The following DDX4 variants were observed in gnomAD, a reference collection of about 807,000 sequenced individuals.
DDX4 encodes probable ATP-dependent RNA helicase DDX4.
Under a neutral mutation model 100.0 loss-of-function variants are expected in DDX4, and 25 were observed. The observed-to-expected ratio is 0.25, with a 90% CI of 0.18 to 0.35. DDX4 has a LOEUF of 0.35. Ranked by LOEUF, DDX4 falls within the 10% of genes least tolerant of loss-of-function variation. The pLI, the probability that DDX4 is intolerant of heterozygous loss-of-function variation, is 1.00. For synonymous variants in DDX4, 259 were observed against 275.7 expected (o/e 0.94, Z 0.60); for missense variants, 635 against 882.4 (o/e 0.72, Z 3.55).
At chr5:55,746,005 A>G (rs978154087) in intron 2 of DDX4, among the ~76,000 whole-genome samples, 159 bp from the exon 3 acceptor site, 1 of 152,200 alleles carries the variant, frequency 6.6e-6, no homozygotes, top group African/African-American at 2.4e-5. Flanking sequence ...TCTTGGAATA[A>G]TTAGTAAAGG....
intron 21 of DDX4, 91 bp downstream of exon 21, chr5:55,815,514 A>G (rs558975483): frequency 7.0e-7 from 1 of 1,429,290 alleles, no homozygotes; most frequent in Non-Finnish European, 9.2e-7. Flanking sequence ...AATATTTAAT[A>G]ATCAAGCCAT....
chr5:55,760,757 A>G (rs1316932259), intron 4 of DDX4, among the ~76,000 whole-genome samples: 3 of 152,182 alleles, frequency 2.0e-5, no homozygotes, highest in Admixed American at 1.3e-4. Flanking sequence ...TTTTAGAACA[A>G]CCACCTGATA....
chr5:55,803,903 C>A (rs1194170299), intron 18 of DDX4, among the ~76,000 whole-genome samples: 1 of 152,202 alleles, frequency 6.6e-6, no homozygotes, highest in African/African-American at 2.4e-5. Flanking sequence ...AATCGCCACA[C>A]TGACTTCCAC....
intron 4 of DDX4, among the ~76,000 whole-genome samples, chr5:55,761,724 C>A (rs772526758): frequency 4.6e-5 from 7 of 152,060 alleles, no homozygotes; most frequent in Non-Finnish European, 1.0e-4. Context: ...TCTCCTGCCT[C>A]AGCCTTCCGA....
intron 2 of DDX4, among the ~76,000 whole-genome samples, chr5:55,741,789 A>G (rs1052765468): frequency 6.9e-6 from 1 of 144,630 alleles, no homozygotes; most frequent in Admixed American, 6.9e-5. Flanking sequence ...ACTCTGTCTG[A>G]AAAAAAAAAA....
At chr5:55,738,667 A>T (rs567504629) in intron 1 of DDX4, among the ~76,000 whole-genome samples, 47 of 152,308 alleles carry the variant, frequency 3.1e-4, no homozygotes, top group African/African-American at 9.4e-4. Flanking sequence ...GATAAAGTCT[A>T]TGAACAGATG....
At chr5:55,816,405 C>A in intron 21 of DDX4, 58 bp from the exon 22 acceptor site, 1 of 1,534,208 alleles carries the variant, frequency 6.5e-7, no homozygotes, top group Non-Finnish European at 8.8e-7. Flanking sequence ...AACTTTAAAG[C>A]TGTCATAAAA....
Position 55,767,010 on chromosome 5 carries a change from T to A in DDX4, c.335-871T>A, listed in dbSNP as rs1039138207. The A allele has an allele frequency of 3.3e-6, 5 of 1,510,494 alleles. No individual in the cohort carries two copies. The African/African-American group carries it at 7.0e-5, about 21-fold the overall frequency. The allele number at this position is 1,510,494 out of a possible 1,614,324, so 93.6% of individuals were successfully genotyped here. On this transcript the variant is annotated intron_variant, in intron 6 of 21. Transcript: ENST00000505374. ...TCAGTATAGTAATCTCTCATACTAC[T>A]ATTTTAAAACTCTGGGAATGTTACT...
intron 17 of DDX4, among the ~76,000 whole-genome samples, chr5:55,798,164 C>T (rs918703147): frequency 2.6e-5 from 4 of 151,924 alleles, no homozygotes; most frequent in Non-Finnish European, 4.4e-5. Flanking sequence ...TATAGTTTTG[C>T]GTGGATAGCA....
In DDX4 at chr5:55,813,747, A is replaced by G. The variant is rs1207464263; in HGVS notation, c.1690A>G (p.Lys564Glu). ...TATTGCAACTTTTCTTTGTCAAGAA[A>G]AAATATCAACTACAAGTATTCATGG... is the stretch of plus-strand genomic sequence containing the variant. ...DFIATFLCQEKISTTSIHGDR... is the reference protein window; with the variant it reads ...DFIATFLCQEEISTTSIHGDR... Residue 564 changes from lysine (K) to glutamate (E), a missense_variant, in exon 19 of 22, where the codon AAA becomes GAA. Physicochemically the swap from Lys to Glu is moderately conservative, Grantham distance 56. Around this residue, in one of 4 missense-constraint regions of DDX4, gnomAD observed 115 missense variants for 224.7 expected, o/e 0.51. Transcript: ENST00000505374. 1.3e-5 allele frequency: 21 copies of G among 1,597,334 alleles called. No individual in the cohort carries two copies. The highest frequency in any genetic ancestry group is 1.8e-5 in the Non-Finnish European group (21 of 1,173,530).
intron 3 of DDX4, among the ~76,000 whole-genome samples, chr5:55,757,858 A>T (rs1383903458): frequency 6.6e-6 from 1 of 152,136 alleles, no homozygotes; most frequent in Admixed American, 6.5e-5. Context: ...TGCTTGGCCA[A>T]TGTGGTGAAA....
chr5:55,798,289 T>C, intron 17 of DDX4, 137 bp from the exon 18 acceptor site: 2 of 900,228 alleles, frequency 2.2e-6, no homozygotes, highest in Non-Finnish European at 3.2e-6. Context: ...TTGGGTGATA[T>C]AAGTAACCAA....
At chr5:55,781,880 G>C (rs1741933398) in intron 9 of DDX4, 54 bp from the exon 10 acceptor site, 1 of 1,593,150 alleles carries the variant, frequency 6.3e-7, no homozygotes, top group African/African-American at 1.3e-5. Flanking sequence ...TGGTTTGTGT[G>C]CTTGAGCAGC....
chr5:55,797,968 G>A (rs1457367173), intron 17 of DDX4, among the ~76,000 whole-genome samples: 1 of 152,180 alleles, frequency 6.6e-6, no homozygotes, highest in Non-Finnish European at 1.5e-5. Context: ...TTCATTTGAA[G>A]TAGAGTAATT....
rs191874921 is a variant in DDX4 at position 55,808,537 on chromosome 5, T to C, written c.1616-5136T>C. ...TGTTTGTTAGTTTTCCTTCTAACAG[T>C]CAGCACCCTCAGCTGCAGGTCTGTT... On this transcript the variant is annotated intron_variant, in intron 18 of 21. Transcript: ENST00000505374. Among the ~76,000 whole-genome samples the C allele has an allele frequency of 4.5e-3, 681 of 152,368 alleles. 10 individuals carry two copies. Among genetic ancestry groups the C allele is most frequent in the African/African-American group, 0.016 (649 of 41,584 alleles).
At chr5:55,795,187 A>C (rs1580587596) in intron 17 of DDX4, among the ~76,000 whole-genome samples, 1 of 150,226 alleles carries the variant, frequency 6.7e-6, no homozygotes, top group South Asian at 2.1e-4. Context: ...CTGGTCTTGA[A>C]CTCCTGACCT....
chr5:55,754,710 C>T (rs1384827685), intron 3 of DDX4, among the ~76,000 whole-genome samples: 1 of 150,600 alleles, frequency 6.6e-6, no homozygotes, highest in Non-Finnish European at 1.5e-5. Context: ...GGAGGATTCC[C>T]TCTTTTTCTA....
At chr5:55,813,576 G>C in intron 18 of DDX4, 97 bp from the exon 19 acceptor site, 1 of 1,417,266 alleles carries the variant, frequency 7.1e-7, no homozygotes, top group South Asian at 1.8e-5. Flanking sequence ...TACAGTGGTG[G>C]ACAAAGTTTC....
At chr5:55,786,404 T>C (rs1230463077) in intron 13 of DDX4, 114 bp from the exon 14 acceptor site, 3 of 714,352 alleles carry the variant, frequency 4.2e-6, no homozygotes, top group African/African-American at 3.6e-5. Flanking sequence ...AAAGTCACTT[T>C]AGTATATAAA....
Sources: allele counts gnomAD v4.1 joint callset (sites outside exome capture counted in the v4.1 genomes callset), GRCh38; gene constraint gnomAD v4.1.1; regional missense constraint gnomAD v4.1.1; transcripts MANE v1.5; gene names NCBI Gene and HGNC (gene_info 2026-07-23, HGNC 2026-07-21).